SGCZ: variants seen among roughly 807,000 people sequenced by gnomAD.
SGCZ encodes sarcoglycan zeta.
In SGCZ, 40 loss-of-function variants were observed where a neutral mutation model predicts 41.3. That is an observed-to-expected ratio of 0.97 (90% confidence interval 0.75 to 1.26). The LOEUF (loss-of-function observed/expected upper bound fraction) is 1.26, where lower values mean the gene tolerates loss of function less well. Among genes scored for constraint, SGCZ ranks in the 50% most tolerant of loss-of-function variants. The pLI is 0.00. For missense variants in SGCZ, 552 were observed against 369.8 expected (o/e 1.49, Z -4.04); for synonymous variants, 206 against 137.5 (o/e 1.50, Z -3.49).
intron 5 of SGCZ, among the ~76,000 whole-genome samples, chr8:14,155,997 A>G (rs1803864822): frequency 6.6e-6 from 1 of 152,130 alleles, no homozygotes; most frequent in Admixed American, 6.5e-5. Context: ...ATAATGATAT[A>G]AAAGATTAAA....
At chr8:14,134,525 T>C (rs1354995024) in intron 5 of SGCZ, among the ~76,000 whole-genome samples, 1 of 152,226 alleles carries the variant, frequency 6.6e-6, no homozygotes, top group African/African-American at 2.4e-5. Context: ...GAAATTGGCA[T>C]AGAAAGTAAT....
Position 14,137,385 on chromosome 8 carries a change from C to T in SGCZ, c.547+27195G>A, listed in dbSNP as rs1441569778. Reference sequence around the variant, plus strand: ...ATCAGTAATAACAAACTCCTCCGAGCTAAAGGAGGATGTTCAAACCCATCA... The same window carrying T: ...ATCAGTAATAACAAACTCCTCCGAGTTAAAGGAGGATGTTCAAACCCATCA... On this transcript the variant is annotated intron_variant, in intron 5 of 7. Transcript: ENST00000382080. Among the ~76,000 whole-genome samples, 4 of 152,286 alleles carry T rather than the reference C, an allele frequency of 2.6e-5. No homozygotes were observed. In the South Asian group the frequency reaches 8.3e-4, roughly 32 times the overall value.
At chr8:14,300,258 G>A (rs758735623) in intron 3 of SGCZ, among the ~76,000 whole-genome samples, 2 of 147,080 alleles carry the variant, frequency 1.4e-5, no homozygotes, top group African/African-American at 5.0e-5. Context: ...AAGGAAGGAA[G>A]GAAAAAAGAA....
intron 1 of SGCZ, among the ~76,000 whole-genome samples, chr8:15,208,724 A>G (rs1229790516): frequency 6.6e-6 from 1 of 152,152 alleles, no homozygotes; most frequent in Non-Finnish European, 1.5e-5. Context: ...TTGCTATTAC[A>G]TGAAACCTTG....
At chr8:14,519,031 T>G (rs905178603) in intron 2 of SGCZ, among the ~76,000 whole-genome samples, 4 of 145,458 alleles carry the variant, frequency 2.7e-5, no homozygotes, top group African/African-American at 1.0e-4. Flanking sequence ...ATCGCACCAC[T>G]GCACTCCAGC....
chr8:14,337,419 G>T (rs565104753), intron 2 of SGCZ, among the ~76,000 whole-genome samples: 12 of 152,230 alleles, frequency 7.9e-5, no homozygotes, highest in African/African-American at 2.9e-4. Context: ...GAGGGTGCTT[G>T]ATCAGGTGGT....
chr8:15,222,049 C>T (rs897844093), intron 1 of SGCZ, among the ~76,000 whole-genome samples: 12 of 152,204 alleles, frequency 7.9e-5, no homozygotes, highest in South Asian at 2.1e-4. Context: ...ACTTCTCCTT[C>T]GTAATTACGT....
intron 2 of SGCZ, among the ~76,000 whole-genome samples, chr8:14,414,228 G>C (rs777846365): frequency 1.3e-5 from 2 of 151,642 alleles, no homozygotes; most frequent in Non-Finnish European, 1.5e-5. Flanking sequence ...ACACGCTAGA[G>C]AGAGACATCT....
At chr8:14,412,416 G>A (rs544887996) in intron 2 of SGCZ, among the ~76,000 whole-genome samples, 2 of 152,206 alleles carry the variant, frequency 1.3e-5, no homozygotes, top group South Asian at 2.1e-4. Flanking sequence ...ACATTTGAAT[G>A]TCTAGTTCAT....
chr8:14,353,973 T>C (rs1451757884), intron 2 of SGCZ, among the ~76,000 whole-genome samples: 1 of 152,094 alleles, frequency 6.6e-6, no homozygotes, highest in East Asian at 1.9e-4. Context: ...CTGAATCTAG[T>C]TCTCATAAGT....
In SGCZ at chr8:14,847,661, GGGAA is replaced by G. The variant is rs1803179107; in HGVS notation, c.40-292739_40-292736del. Among the ~76,000 whole-genome samples the G allele has an allele frequency of 7.9e-5, 11 of 139,960 alleles. No individual in the cohort carries two copies. In the South Asian group the frequency reaches 2.7e-3, roughly 34 times the overall value. 91.8% of individuals were successfully genotyped at this position (139,960 alleles called of 152,430 possible). On this transcript the variant is annotated intron_variant, in intron 1 of 7. Coordinates refer to ENST00000382080, the MANE Select transcript of SGCZ (RefSeq NM_139167.4). The stretch of plus-strand genomic sequence containing the variant: ...AAGGAAGGAGGGAGGGAGGCAGGGA[GGGAA>G]GGAAGGAAAGATGGAGGGAGGGAGG...
chr8:15,172,162 T>TG lies in SGCZ; in HGVS notation c.39+65422_39+65423insC, dbSNP rs1308300306. Among the ~76,000 whole-genome samples, 827 of 119,048 alleles carry TG rather than the reference T, an allele frequency of 6.9e-3. 23 individuals carry two copies. The East Asian group carries it at 0.09, about 13-fold the overall frequency. The allele number at this position is 119,048 out of a possible 152,430, so 78.1% of individuals were successfully genotyped here. A position where few individuals can be genotyped will look rare whatever the true frequency, so the allele number is the denominator to read the frequency against. On this transcript the variant is annotated intron_variant, in intron 1 of 7. Coordinates refer to ENST00000382080, the MANE Select transcript of SGCZ (RefSeq NM_139167.4). ...AATGCCTTTTATACTCTGTTTTTTT[T>TG]TTTTTTTTTTTTTTTTTGAGACGGA...
At chr8:15,211,676 C>G (rs926602267) in intron 1 of SGCZ, among the ~76,000 whole-genome samples, 2 of 152,108 alleles carry the variant, frequency 1.3e-5, no homozygotes, top group African/African-American at 4.8e-5. Context: ...TCTCTAGATC[C>G]TATTATCGCC....
chr8:14,859,807 C>T (rs961014229), intron 1 of SGCZ, among the ~76,000 whole-genome samples: 3 of 152,110 alleles, frequency 2.0e-5, no homozygotes, highest in Admixed American at 1.3e-4. Context: ...GGAATCGAAG[C>T]TCCACAAAAA....
intron 1 of SGCZ, among the ~76,000 whole-genome samples, chr8:14,704,718 T>G (rs1809273515): frequency 6.6e-6 from 1 of 151,948 alleles, no homozygotes; most frequent in Non-Finnish European, 1.5e-5. Flanking sequence ...ACTCAGTTTA[T>G]TAAGTGTTTT....
chr8:14,679,870 T>C (rs1585177071), intron 1 of SGCZ, among the ~76,000 whole-genome samples: 1 of 151,904 alleles, frequency 6.6e-6, no homozygotes, highest in South Asian at 2.1e-4. Context: ...TTTTTCTCTT[T>C]GATACTATAT....
intron 1 of SGCZ, among the ~76,000 whole-genome samples, chr8:14,666,772 C>T (rs560997574): frequency 5.0e-4 from 75 of 151,102 alleles, no homozygotes; most frequent in East Asian, 7.8e-4. Context: ...TATTATTTTA[C>T]GCTGCTTGAG....
chr8:14,883,125 C>G (rs1415193780), intron 1 of SGCZ, among the ~76,000 whole-genome samples: 2 of 151,746 alleles, frequency 1.3e-5, no homozygotes, highest in Non-Finnish European at 2.9e-5. Flanking sequence ...TAGAGGTAAA[C>G]TCTTTCTCAT....
chr8:15,093,638 TCA>T (rs1334321237), intron 1 of SGCZ, among the ~76,000 whole-genome samples: 1 of 152,198 alleles, frequency 6.6e-6, no homozygotes, highest in Non-Finnish European at 1.5e-5. Flanking sequence ...TACCTCTTCA[TCA>T]GGGAATGGTA....
Sources: allele counts gnomAD v4.1 joint callset (sites outside exome capture counted in the v4.1 genomes callset), GRCh38; gene constraint gnomAD v4.1.1; transcripts MANE v1.5; gene names NCBI Gene and HGNC (gene_info 2026-07-23, HGNC 2026-07-21).